GNLY: variants seen among roughly 807,000 people sequenced by gnomAD.
The protein encoded by GNLY is T-cell activation protein 519.
A neutral mutation model predicts 18.5 loss-of-function variants in GNLY; 15 were observed. That is an observed-to-expected ratio of 0.81 (90% CI 0.54 to 1.25). The LOEUF is 1.25. Ranked by LOEUF, GNLY falls within the 50% of genes most tolerant of loss-of-function variation. The pLI is 0.00. For missense variants in GNLY, 178 were observed against 186.9 expected, an observed-to-expected ratio of 0.95 and a Z score of 0.28; for synonymous variants, 77 against 74.9, an observed-to-expected ratio of 1.03 and a Z score of -0.14.
chr2:85,694,804 C>A, intron 1 of GNLY: 1 of 1,453,114 alleles, frequency 6.9e-7, no homozygotes, highest in Non-Finnish European at 9.0e-7. Context: ...ATCGGTGGAT[C>A]TGCGTTTCCT....
At chr2:85,698,137 T>C (rs967181217) in intron 4 of GNLY, among the ~76,000 whole-genome samples, 1 of 152,048 alleles carries the variant, frequency 6.6e-6, no homozygotes, top group African/African-American at 2.4e-5. Context: ...TGGGGCCATA[T>C]CCTCCCCCAC....
At position 85,696,069 on chromosome 2, in the gene GNLY, G is replaced by T; in HGVS notation, c.255+13G>T. The stretch of plus-strand genomic sequence containing the variant: ...TAAGCCCACCCAGGTGAGGCCAAGG[G>T]GCTACAGAGCCTCCTGTCTGCTGCT... On this transcript the variant is annotated intron_variant, in intron 3 of 4. Coordinates refer to ENST00000263863, the MANE Select transcript of GNLY (RefSeq NM_006433.5). 6.9e-7 allele frequency: 1 copy of T among 1,454,840 alleles called. No homozygotes were observed. The highest frequency in any genetic ancestry group is 9.6e-7 in the Non-Finnish European group (1 of 1,037,582). 90.1% of individuals were successfully genotyped at this position (1,454,840 alleles called of 1,614,324 possible).
At position 85,695,335 on chromosome 2, in the gene GNLY, G is replaced by A. The variant is rs770339428; in HGVS notation, c.68G>A (p.Arg23His). Residue 23 changes from arginine to histidine, a missense_variant, in exon 2 of 5, where the codon CGT (arginine) becomes CAT (histidine). By Grantham distance (29) the Arg-to-His change is conservative (BLOSUM62 0). Transcript: ENST00000263863. ...TCTTCCTCAGGTCTGGTCTTCTCTC[G>A]TCTGAGCCCTGAGTACTACGACCTG... ...LLGNPGLVFS[R>H]LSPEYYDLAR... The A allele has an allele frequency of 1.9e-5, 31 of 1,611,292 alleles. No individual in the cohort carries two copies. The highest frequency in any genetic ancestry group is 6.7e-5 in the African/African-American group (5 of 74,896).
At chr2:85,696,233 G>A (rs1487287246) in intron 3 of GNLY, 177 bp downstream of exon 3, 4 of 593,752 alleles carry the variant, frequency 6.7e-6, no homozygotes, top group Non-Finnish European at 1.2e-5. Context: ...GAGAACTTGT[G>A]AAATTGTGAC....
chr2:85,695,910 C>A (rs1444497290), intron 2 of GNLY, 48 bp from the exon 3 acceptor site: 2 of 1,120,400 alleles, frequency 1.8e-6, no homozygotes, highest in Non-Finnish European at 2.7e-6. Context: ...CTTTCACGCG[C>A]TCCCAGAGTG....
At chr2:85,698,375 A>T (rs1489904198) in intron 4 of GNLY, 189 bp from the exon 5 acceptor site, 1 of 873,972 alleles carries the variant, frequency 1.1e-6, no homozygotes, top group Non-Finnish European at 1.9e-6. Flanking sequence ...CTGTCATTGG[A>T]GCTTGTGGCT....
intron 1 of GNLY, 92 bp downstream of exon 1, chr2:85,694,562 C>T (rs1678359103): frequency 7.6e-7 from 1 of 1,315,230 alleles, no homozygotes; most frequent in Non-Finnish European, 1.1e-6. Context: ...CTGTGGGCAC[C>T]CAGGTGCCCC....
chr2:85,696,215 G>T, intron 3 of GNLY, 159 bp downstream of exon 3: 1 of 596,906 alleles, frequency 1.7e-6, no homozygotes, highest in Non-Finnish European at 3.0e-6. Flanking sequence ...GTCTGTGGAT[G>T]AATTTCAGAG....
chr2:85,696,480 GTTATC>G (rs774846955), intron 3 of GNLY: 2 of 161,426 alleles, frequency 1.2e-5, no homozygotes, highest in African/African-American at 2.4e-5. Context: ...CTGAGCCTCT[GTTATC>G]TTATCTTTGA....
Position 85,695,327 on chromosome 2 carries a change from C to G in GNLY, c.60C>G (p.Val20=). The G allele has an allele frequency of 6.2e-7, 1 of 1,607,800 alleles. No homozygotes were observed. Among genetic ancestry groups the G allele is most frequent in the Non-Finnish European group, 8.5e-7 (1 of 1,174,186 alleles). ...AAMLLGNPGL[V]FSRLSPEYYD... ...AAGTCTGGTCTTCCTCAGGTCTGGT[C>G]TTCTCTCGTCTGAGCCCTGAGTACT... Residue 20 remains valine (V), a synonymous_variant, in exon 2 of 5, where the codon GTC becomes GTG. Coordinates refer to ENST00000263863, the MANE Select transcript of GNLY (RefSeq NM_006433.5).
Position 85,697,602 on chromosome 2 carries a change from G to C in GNLY, c.352G>C (p.Val118Leu), listed in dbSNP as rs1379233468. ...RNFMRRYQSR[V>L]TQGLVAGETA... ...TTTCATGAGGAGGTATCAGTCTAGA[G>C]TTACCCAGGGCCTCGTGGCCGGAGA... Residue 118 changes from valine (V) to leucine (L), a missense_variant, in exon 4 of 5, where the codon GTT becomes CTT. By Grantham distance (32) the Val-to-Leu change is conservative. Coordinates refer to ENST00000263863, the MANE Select transcript of GNLY (RefSeq NM_006433.5). 1.9e-6 allele frequency: 3 copies of C among 1,613,616 alleles called. No individual in the cohort carries two copies. Among genetic ancestry groups the C allele is most frequent in the Non-Finnish European group, 2.5e-6 (3 of 1,179,568 alleles).
rs1573492131 is a variant in GNLY, at chr2:85,694,710, C to T, written c.52+240C>T. On this transcript the variant is annotated intron_variant, in intron 1 of 4. Coordinates refer to ENST00000263863, the MANE Select transcript of GNLY (RefSeq NM_006433.5). ...GCCAGGGATTCTGGTCCTAACTCTA[C>T]TGGCCACACTGTGTGGCCTGAGACC... The T allele has an allele frequency of 2.8e-6, 4 of 1,429,946 alleles. 1 individual carries two copies. In the East Asian group the frequency reaches 9.9e-5, roughly 35 times the overall value. The allele number at this position is 1,429,946 out of a possible 1,614,324, so 88.6% of individuals were successfully genotyped here. A position where few individuals can be genotyped will look rare whatever the true frequency, so the allele number is the denominator to read the frequency against.
chr2:85,694,863 C>T, intron 1 of GNLY: 1 of 1,533,704 alleles, frequency 6.5e-7, no homozygotes, highest in Non-Finnish European at 8.7e-7. Context: ...AGAACAAGAT[C>T]TCTTCTGTGT....
intron 1 of GNLY, chr2:85,694,900 C>G (rs1678378401): frequency 6.4e-7 from 1 of 1,555,060 alleles, no homozygotes; most frequent in African/African-American, 1.4e-5. Flanking sequence ...GCCCCCTGCA[C>G]CCTGCTCTCT....
chr2:85,698,830 A>G lies in GNLY; in HGVS notation c.*256A>G, dbSNP rs1301339080. On this transcript the variant is annotated 3_prime_UTR_variant, in exon 5 of 5. Transcript: ENST00000263863. ...CTGGGGTGAGCTGTGTAGTCCTTCA[A>G]TAAATGTCTGTCGTGTGTCCCATAC... The G allele has an allele frequency of 1.0e-5, 15 of 1,436,800 alleles. No homozygotes were observed. The highest frequency in any genetic ancestry group is 1.4e-5 in the Non-Finnish European group (15 of 1,095,272). The allele number at this position is 1,436,800 out of a possible 1,614,324, so 89.0% of individuals were successfully genotyped here.
At chr2:85,695,922 C>T (rs1460186893) in intron 2 of GNLY, 36 bp from the exon 3 acceptor site, 1 of 1,260,612 alleles carries the variant, frequency 7.9e-7, no homozygotes, top group East Asian at 2.3e-5. Flanking sequence ...CCCAGAGTGT[C>T]TGAGAGACCA....
intron 1 of GNLY, chr2:85,694,946 A>G (rs993572057): frequency 6.3e-7 from 1 of 1,588,462 alleles, no homozygotes; most frequent in Non-Finnish European, 8.6e-7. Context: ...CCCAAGGGCA[A>G]GAACACTTCT....
intron 2 of GNLY, among the ~76,000 whole-genome samples, chr2:85,695,733 G>A (rs1159362926): frequency 6.6e-6 from 1 of 152,146 alleles, no homozygotes; most frequent in African/African-American, 2.4e-5. Context: ...GGAAAGTACT[G>A]GGGGTGTGGG....
At chr2:85,697,034 A>T (rs568792496) in intron 3 of GNLY, 1 of 163,494 alleles carries the variant, frequency 6.1e-6, no homozygotes, top group Admixed American at 5.8e-5. Context: ...ACCCAGATTC[A>T]TCCTCCTCCC....
Sources: allele counts gnomAD v4.1 joint callset (sites outside exome capture counted in the v4.1 genomes callset), GRCh38; gene constraint gnomAD v4.1.1; transcripts MANE v1.5; gene names NCBI Gene and HGNC (gene_info 2026-07-23, HGNC 2026-07-21).